GRID2: variants seen among roughly 807,000 people sequenced by gnomAD.
GRID2 encodes the protein glutamate ionotropic receptor delta type subunit 2.
A neutral mutation model predicts 114.8 loss-of-function variants in GRID2; 33 were observed. The ratio of observed to expected loss-of-function variants is 0.29; its 90% CI spans 0.22 to 0.38. The LOEUF (loss-of-function observed/expected upper bound fraction) is 0.38. Among genes scored for constraint, GRID2 ranks in the 10% least tolerant of loss-of-function variants. The pLI, the probability that GRID2 is intolerant of heterozygous loss-of-function variation, is 1.00. For synonymous variants in GRID2, 505 were observed against 449.9 expected, an observed-to-expected ratio of 1.12 and a Z score of -1.55; for missense variants, 1,184 against 1,257.7, an observed-to-expected ratio of 0.94 and a Z score of 0.89.
At chr4:93,418,725 G>T (rs186393906) in intron 9 of GRID2, among the ~76,000 whole-genome samples, 12 of 151,982 alleles carry the variant, frequency 7.9e-5, no homozygotes, top group Admixed American at 7.2e-4. Flanking sequence ...ACATTTCTTT[G>T]ATTTTTGTTT....
At chr4:93,684,002 T>A (rs924853703) in intron 14 of GRID2, among the ~76,000 whole-genome samples, 1 of 152,012 alleles carries the variant, frequency 6.6e-6, no homozygotes, top group Non-Finnish European at 1.5e-5. Flanking sequence ...TTATTTTCAA[T>A]TGAAATTCTA....
At chr4:93,730,252 A>T (rs1421859279) in intron 14 of GRID2, among the ~76,000 whole-genome samples, 2 of 152,212 alleles carry the variant, frequency 1.3e-5, no homozygotes, top group African/African-American at 4.8e-5. Context: ...GACTGAAGAC[A>T]AACAAGGGAT....
chr4:92,848,501 A>T (rs1743506041), intron 2 of GRID2, among the ~76,000 whole-genome samples: 1 of 151,966 alleles, frequency 6.6e-6, no homozygotes, highest in African/African-American at 2.4e-5. Flanking sequence ...GCAACAAACG[A>T]TCATCATGAA....
At chr4:92,425,421 G>A (rs1019842879) in intron 1 of GRID2, among the ~76,000 whole-genome samples, 1 of 152,016 alleles carries the variant, frequency 6.6e-6, no homozygotes, top group African/African-American at 2.4e-5. Flanking sequence ...GTTAGCTAGC[G>A]ACTGATCACC....
chr4:93,052,497 A>G (rs573396882), intron 2 of GRID2, among the ~76,000 whole-genome samples: 1 of 152,112 alleles, frequency 6.6e-6, no homozygotes, highest in South Asian at 2.1e-4. Flanking sequence ...AAAAACCTAT[A>G]CAGCACATTA....
chr4:92,463,148 CTAGT>C lies in GRID2; in HGVS notation c.89-126978_89-126975del, dbSNP rs147271371. ...AGGTTAAAAGTCCTAAAATATGTAA[CTAGT>C]TAGTGTAAAATTTTTATTTAAAACT... is the stretch of plus-strand genomic sequence containing the variant. On this transcript the variant is annotated intron_variant, in intron 1 of 15. Transcript: ENST00000282020. 6.8e-3 allele frequency among the ~76,000 whole-genome samples: 1,029 copies of C among 151,954 alleles called. 10 individuals carry two copies. The highest frequency in any genetic ancestry group is 0.022 in the African/African-American group (923 of 41,510).
intron 2 of GRID2, among the ~76,000 whole-genome samples, chr4:92,752,257 G>A (rs1737490686): frequency 6.6e-6 from 1 of 152,154 alleles, no homozygotes; most frequent in South Asian, 2.1e-4. Flanking sequence ...GAAGCAAGAT[G>A]TAATTCTTTC....
chr4:92,583,833 T>G (rs1728294730), intron 1 of GRID2, among the ~76,000 whole-genome samples: 1 of 150,196 alleles, frequency 6.7e-6, no homozygotes, highest in South Asian at 2.1e-4. Context: ...ATGTGTAATA[T>G]AAATATATAA....
At chr4:92,699,820 T>C (rs1181675943) in intron 2 of GRID2, among the ~76,000 whole-genome samples, 1 of 152,188 alleles carries the variant, frequency 6.6e-6, no homozygotes, top group Non-Finnish European at 1.5e-5. Context: ...TATTATCTTC[T>C]CAGATTTATA....
In GRID2 at chr4:93,487,417, A is replaced by G. The variant is rs187041386; in HGVS notation, c.1859-3222A>G. 2.8e-3 allele frequency among the ~76,000 whole-genome samples: 421 copies of G among 151,948 alleles called. 3 individuals carry two copies. The highest frequency in any genetic ancestry group is 2.8e-3 in the Non-Finnish European group (187 of 67,858). ...CATTGCAGGCTATCAGTTTCCTTCAATACAATTTAGCTGCATCCCATCTAC... is the reference window on the plus strand; with the variant it reads ...CATTGCAGGCTATCAGTTTCCTTCAGTACAATTTAGCTGCATCCCATCTAC... On this transcript the variant is annotated intron_variant, in intron 11 of 15. Transcript: ENST00000282020.
intron 2 of GRID2, among the ~76,000 whole-genome samples, chr4:92,889,446 C>A (rs1401372768): frequency 1.3e-5 from 2 of 152,082 alleles, no homozygotes; most frequent in Non-Finnish European, 2.9e-5. Context: ...AATCAATGTG[C>A]AAAAATCACA....
rs575930546 is a variant in GRID2 at position 93,608,751 on chromosome 4, G to C, written c.2194-17518G>C. On this transcript the variant is annotated intron_variant, in intron 13 of 15. Transcript: ENST00000282020. ...GTTGGTTCCAAGTCTTTGCTATTGT[G>C]AACAGTGCCGCAATAAACATACGGG... 3.1e-4 allele frequency among the ~76,000 whole-genome samples: 42 copies of C among 137,478 alleles called. 5 individuals carry two copies. In the South Asian group the frequency reaches 9.4e-3, roughly 31 times the overall value. 90.2% of individuals were successfully genotyped at this position (137,478 alleles called of 152,430 possible).
chr4:92,502,333 T>C (rs907917173), intron 1 of GRID2, among the ~76,000 whole-genome samples: 7 of 152,222 alleles, frequency 4.6e-5, no homozygotes, highest in African/African-American at 1.4e-4. Flanking sequence ...TATCAATTAT[T>C]CTACAATTAT....
intron 7 of GRID2, among the ~76,000 whole-genome samples, chr4:93,227,879 C>G (rs1242463437): frequency 6.6e-6 from 1 of 152,210 alleles, no homozygotes; most frequent in Non-Finnish European, 1.5e-5. Flanking sequence ...ATGTCCTTTT[C>G]TCTCCGTATT....
At chr4:93,277,905 A>G (rs768206826) in intron 8 of GRID2, among the ~76,000 whole-genome samples, 4 of 152,022 alleles carry the variant, frequency 2.6e-5, no homozygotes, top group Admixed American at 1.3e-4. Context: ...ATAAATCACT[A>G]TGAAACTGAG....
At chr4:92,539,109 C>T (rs1725800944) in intron 1 of GRID2, among the ~76,000 whole-genome samples, 1 of 150,496 alleles carries the variant, frequency 6.6e-6, no homozygotes, top group South Asian at 2.1e-4. Context: ...ATGTGATTGA[C>T]ATCAATTGAG....
chr4:93,722,383 C>A (rs1414180816), intron 14 of GRID2, among the ~76,000 whole-genome samples: 3 of 152,076 alleles, frequency 2.0e-5, no homozygotes, highest in Non-Finnish European at 4.4e-5. Context: ...AGTTACGGAC[C>A]AGGAACTTTA....
chr4:93,112,086 A>G (rs1732821830), intron 4 of GRID2: 1 of 152,134 alleles, frequency 6.6e-6, no homozygotes, highest in Non-Finnish European at 1.5e-5. Flanking sequence ...AATTTTAAAG[A>G]AGTTGGGTCT....
At chr4:93,425,298 G>A (rs1768733188) in intron 10 of GRID2, among the ~76,000 whole-genome samples, 1 of 152,162 alleles carries the variant, frequency 6.6e-6, no homozygotes, top group African/African-American at 2.4e-5. Flanking sequence ...TCAGTGGATA[G>A]TTAAATCACT....
Sources: gnomAD v4.1 joint callset for allele counts (sites outside exome capture counted in the v4.1 genomes callset) on GRCh38, gnomAD v4.1.1 for gene constraint, MANE v1.5 for transcripts, NCBI Gene and HGNC (gene_info 2026-07-23, HGNC 2026-07-21) for gene names.